MTFR1: variants seen among roughly 807,000 people sequenced by gnomAD.
MTFR1 encodes the protein chondrocyte protein with a poly-proline region.
MTFR1 carries 28 observed loss-of-function variants against 38.8 expected under a neutral mutation model. That is an observed-to-expected ratio of 0.72 (90% CI 0.53 to 0.99). The LOEUF is 0.99. MTFR1 is among the 50% of genes least tolerant of loss of function. The probability of loss-of-function intolerance (pLI) is 0.00; values close to 1 mark genes in which losing one functional copy is unlikely to be tolerated. For missense variants in MTFR1, 358 were observed against 395.5 expected (o/e 0.91, Z 0.81); for synonymous variants, 145 against 137.0 (o/e 1.06, Z -0.41).
chr8:65,713,921 G>C (rs117684002), downstream of MTFR1, among the ~76,000 whole-genome samples: 6,306 of 151,958 alleles, frequency 0.041, 195 homozygotes, highest in Non-Finnish European at 0.062. Flanking sequence ...CTCCTGACGT[G>C]AGGTGATCTG....
rs1169619745 is a variant in MTFR1 at position 65,644,755 on chromosome 8, G to C, written c.-110G>C. 1.3e-5 allele frequency: 2 copies of C among 152,560 alleles called. No homozygotes were observed. The highest frequency in any genetic ancestry group is 6.5e-5 in the Admixed American group (1 of 15,286). The allele number at this position is 152,560 out of a possible 1,614,324, so 9.5% of individuals were successfully genotyped here. On this transcript the variant is annotated 5_prime_UTR_variant, in exon 1 of 8. Coordinates refer to ENST00000262146, the MANE Select transcript of MTFR1 (RefSeq NM_014637.4). Reference sequence around the variant, plus strand: ...AGCCAAGCTAGAAGCCTGAGGAGCCGGAGAGGGTGCTGGCTGCCGCGCGGC... The same window carrying C: ...AGCCAAGCTAGAAGCCTGAGGAGCCCGAGAGGGTGCTGGCTGCCGCGCGGC...
chr8:65,693,549 C>A, intron 3 of MTFR1, 95 bp from the exon 4 acceptor site: 1 of 908,542 alleles, frequency 1.1e-6, no homozygotes, highest in Non-Finnish European at 1.8e-6. Context: ...GTGTTTTTAA[C>A]ACCAGAGCTG....
At chr8:65,773,198 C>T (rs1017225700), downstream of MTFR1, among the ~76,000 whole-genome samples, 3 of 152,074 alleles carry the variant, frequency 2.0e-5, no homozygotes, top group Admixed American at 2.0e-4. Flanking sequence ...CACTAGATTA[C>T]AATTTCAAAA....
intron 3 of MTFR1, among the ~76,000 whole-genome samples, chr8:65,735,101 C>T (rs1807070610): frequency 6.6e-6 from 1 of 152,132 alleles, no homozygotes; most frequent in South Asian, 2.1e-4. Context: ...CTATCATGGA[C>T]GAACAGACTA....
At chr8:65,654,515 CTA>C (rs1274702127) in intron 1 of MTFR1, among the ~76,000 whole-genome samples, 3 of 152,164 alleles carry the variant, frequency 2.0e-5, no homozygotes, top group Non-Finnish European at 4.4e-5. Flanking sequence ...CTTTCAAAAA[CTA>C]AACATCTTTC....
intron 3 of MTFR1, among the ~76,000 whole-genome samples, chr8:65,745,066 A>G (rs533155449): frequency 1.3e-5 from 2 of 152,280 alleles, no homozygotes; most frequent in African/African-American, 4.8e-5. Context: ...GTGGTAGTGG[A>G]TAAGTCTAAC....
intron 1 of MTFR1, among the ~76,000 whole-genome samples, chr8:65,655,434 T>C (rs1809228955): frequency 6.6e-6 from 1 of 152,194 alleles, no homozygotes; most frequent in Non-Finnish European, 1.5e-5. Flanking sequence ...AAAAATGACA[T>C]ATGTCCGATC....
chr8:65,773,394 T>G (rs1009356271), downstream of MTFR1, among the ~76,000 whole-genome samples: 1 of 152,196 alleles, frequency 6.6e-6, no homozygotes, highest in Non-Finnish European at 1.5e-5. Flanking sequence ...AACTTACACA[T>G]TTGTCACCTT....
At chr8:65,703,631 A>G (rs1437548110) in intron 4 of MTFR1, among the ~76,000 whole-genome samples, 1 of 151,198 alleles carries the variant, frequency 6.6e-6, no homozygotes, top group East Asian at 1.9e-4. Flanking sequence ...ACAGGGTTGC[A>G]CCCTGTTGGC....
At chr8:65,720,586 G>A (rs1203753512) in intron 3 of MTFR1, 2 of 154,066 alleles carry the variant, frequency 1.3e-5, no homozygotes, top group African/African-American at 4.8e-5. Context: ...TATTAATTAT[G>A]TACAATATGT....
downstream of MTFR1, among the ~76,000 whole-genome samples, chr8:65,715,283 C>T (rs1352408901): frequency 6.6e-6 from 1 of 152,068 alleles, no homozygotes; most frequent in Non-Finnish European, 1.5e-5. Flanking sequence ...CACCTGTAAT[C>T]CCAGCACTTT....
At chr8:65,748,193 C>G (rs1585865177) in intron 3 of MTFR1, among the ~76,000 whole-genome samples, 1 of 151,858 alleles carries the variant, frequency 6.6e-6, no homozygotes, top group East Asian at 1.9e-4. Context: ...AACCTAGTTT[C>G]AAACTACTAG....
At chr8:65,700,732 A>G (rs1585794510) in intron 4 of MTFR1, among the ~76,000 whole-genome samples, 1 of 152,210 alleles carries the variant, frequency 6.6e-6, no homozygotes. Context: ...TTTGCATCAG[A>G]GCAAAGCTGC....
At chr8:65,721,498 G>A (rs544138025) in intron 3 of MTFR1, among the ~76,000 whole-genome samples, 22 of 152,186 alleles carry the variant, frequency 1.4e-4, no homozygotes, top group African/African-American at 2.9e-4. Context: ...TCAAAGCACC[G>A]GTCCCCTAGG....
chr8:65,701,254 C>G (rs532786720), intron 4 of MTFR1, among the ~76,000 whole-genome samples: 2 of 152,320 alleles, frequency 1.3e-5, no homozygotes, highest in African/African-American at 2.4e-5. Context: ...AAATAAACTT[C>G]TAAATTGTTT....
chr8:65,647,617 C>T (rs572530923), intron 1 of MTFR1, among the ~76,000 whole-genome samples: 7 of 152,236 alleles, frequency 4.6e-5, no homozygotes, highest in Middle Eastern at 3.4e-3. Context: ...GCCTATAGTA[C>T]GTTTTGAAGT....
intron 3 of MTFR1, among the ~76,000 whole-genome samples, chr8:65,723,835 C>A (rs576790650): frequency 4.5e-4 from 68 of 152,224 alleles, no homozygotes; most frequent in Non-Finnish European, 7.8e-4. Context: ...CAAGGTGTTA[C>A]CCCAAGACTG....
intron 3 of MTFR1, among the ~76,000 whole-genome samples, chr8:65,755,171 C>T (rs762503366): frequency 6.6e-6 from 1 of 151,366 alleles, no homozygotes; most frequent in Non-Finnish European, 1.5e-5. Flanking sequence ...TAGGTGCATG[C>T]CACCACGCCC....
At chr8:65,648,420 A>G (rs1341542725) in intron 1 of MTFR1, among the ~76,000 whole-genome samples, 1 of 152,164 alleles carries the variant, frequency 6.6e-6, no homozygotes, top group Non-Finnish European at 1.5e-5. Context: ...TCTTCTCAAA[A>G]TCTTCAGAGT....
Sources: gnomAD v4.1 joint callset for allele counts (sites outside exome capture counted in the v4.1 genomes callset) on GRCh38, gnomAD v4.1.1 for gene constraint, MANE v1.5 for transcripts, NCBI Gene and HGNC (gene_info 2026-07-23, HGNC 2026-07-21) for gene names.